GABRB2: variants seen among roughly 807,000 people sequenced by gnomAD.
GABRB2 encodes gamma-aminobutyric acid type A receptor subunit beta2.
Under a neutral mutation model 54.7 loss-of-function variants are expected in GABRB2, and 16 were observed. The observed-to-expected ratio is 0.29, with a 90% CI of 0.20 to 0.44. The LOEUF (loss-of-function observed/expected upper bound fraction) is 0.44. GABRB2 is among the 20% of genes least tolerant of loss of function. The pLI is 1.00. For missense variants in GABRB2, 355 were observed against 644.0 expected (o/e 0.55, Z 4.86); for synonymous variants, 244 against 233.8 (o/e 1.04, Z -0.40).
At chr5:161,294,466 T>C (rs1051619852) in intron 9 of GABRB2, 38 bp from the exon 10 acceptor site, 34 of 1,575,126 alleles carry the variant, frequency 2.2e-5, no homozygotes, top group Non-Finnish European at 2.8e-5. Context: ...ATCAGAACAA[T>C]GAAGCTTTAC....
intron 9 of GABRB2, among the ~76,000 whole-genome samples, chr5:161,307,334 G>A (rs1202441639): frequency 1.3e-5 from 2 of 152,154 alleles, no homozygotes; most frequent in African/African-American, 2.4e-5. Flanking sequence ...ATTAGAATGT[G>A]GTCACTGCGA....
At chr5:161,474,004 G>A (rs1200972589) in intron 3 of GABRB2, among the ~76,000 whole-genome samples, 1 of 151,980 alleles carries the variant, frequency 6.6e-6, no homozygotes, top group Non-Finnish European at 1.5e-5. Flanking sequence ...CTCTGAGGAG[G>A]TGGATATTTG....
chr5:161,359,755 T>C (rs1463048231), intron 5 of GABRB2, among the ~76,000 whole-genome samples: 1 of 152,236 alleles, frequency 6.6e-6, no homozygotes, highest in Admixed American at 6.5e-5. Flanking sequence ...GAAAGATCAA[T>C]GAGTAAGTAA....
rs117654585 is a variant in GABRB2 at position 161,313,163 on chromosome 5, C to T, written c.1191+13205G>A. On this transcript the variant is annotated intron_variant, in intron 9 of 9. Coordinates refer to ENST00000393959, the MANE Select transcript of GABRB2 (RefSeq NM_001371727.1). ...GAGAAGCAGTGCTGCAGAATGAGCC[C>T]GCGATACTGGAGGCCTGGAATAGAG... Among the ~76,000 whole-genome samples the T allele has an allele frequency of 5.9e-5, 9 of 152,226 alleles. No homozygotes were observed. The East Asian group carries it at 9.7e-4, about 16-fold the overall frequency.
intron 3 of GABRB2, among the ~76,000 whole-genome samples, chr5:161,526,878 A>T (rs1035723250): frequency 6.6e-6 from 1 of 151,514 alleles, no homozygotes; most frequent in Non-Finnish European, 1.5e-5. Flanking sequence ...CAGAACATGT[A>T]TAAAACAGGA....
rs1443841849 is a variant in GABRB2, at chr5:161,546,304, G to T, written c.169+18C>A. The T allele has an allele frequency of 6.2e-7, 1 of 1,605,264 alleles. No individual in the cohort carries two copies. Among genetic ancestry groups the T allele is most frequent in the South Asian group, 1.1e-5 (1 of 90,902 alleles). Reference sequence around the variant, plus strand: ...GCTTCGGCTGTGGCTGGACTTATTTGCAAGGCAACCCCATTACCTCCAAAA... The same window carrying T: ...GCTTCGGCTGTGGCTGGACTTATTTTCAAGGCAACCCCATTACCTCCAAAA... On this transcript the variant is annotated intron_variant, in intron 2 of 9. Transcript: ENST00000393959.
intron 5 of GABRB2, among the ~76,000 whole-genome samples, chr5:161,389,408 T>C (rs904419437): frequency 1.2e-4 from 19 of 152,082 alleles, no homozygotes; most frequent in African/African-American, 4.3e-4. Context: ...ACTAATATCA[T>C]CTTGGTACTG....
intron 5 of GABRB2, among the ~76,000 whole-genome samples, chr5:161,355,525 T>C (rs1226346198): frequency 6.6e-6 from 1 of 151,768 alleles, no homozygotes; most frequent in East Asian, 1.9e-4. Context: ...TGCATATATA[T>C]AACATCTGTG....
chr5:161,344,115 G>C lies in GABRB2; in HGVS notation c.542-7346C>G, dbSNP rs17059338. On this transcript the variant is annotated intron_variant, in intron 5 of 9. Transcript: ENST00000393959. The stretch of plus-strand genomic sequence containing the variant: ...GTAAGTGTCAGGCAAGGAAAATCTT[G>C]TATCTAGCCGTATCCAAAGAAGAAC... 7.0e-3 allele frequency among the ~76,000 whole-genome samples: 1,070 copies of C among 152,132 alleles called. 11 individuals carry two copies. Among genetic ancestry groups the C allele is most frequent in the African/African-American group, 0.025 (1,018 of 41,512 alleles).
intron 5 of GABRB2, among the ~76,000 whole-genome samples, chr5:161,394,014 A>T (rs1011680360): frequency 1.3e-5 from 2 of 152,068 alleles, no homozygotes; most frequent in Admixed American, 1.3e-4. Flanking sequence ...AAGGATAAAA[A>T]CTATAAAACA....
chr5:161,345,454 A>G (rs1014764027), intron 5 of GABRB2, among the ~76,000 whole-genome samples: 1 of 151,964 alleles, frequency 6.6e-6, no homozygotes, highest in African/African-American at 2.4e-5. Context: ...TTCTACCTGC[A>G]GCCTCATTTT....
rs778879790 is a variant in GABRB2, at chr5:161,294,360, A to C, written c.1260T>G (p.Ala420=). The C allele has an allele frequency of 2.0e-5, 33 of 1,614,034 alleles. No homozygotes were observed. The highest frequency in any genetic ancestry group is 2.7e-5 in the Non-Finnish European group (32 of 1,180,012). The change falls in exon 10 of 10, where the codon GCT becomes GCG. Residue 420 remains alanine, a synonymous_variant. Transcript: ENST00000393959. ...TTCTGGGGTCTCCAAGTCCCATCACAGCCTCAGATGTGGCCATTTCATTTT... is the reference window on the plus strand; with the variant it reads ...TTCTGGGGTCTCCAAGTCCCATCACCGCCTCAGATGTGGCCATTTCATTTT... The part of the protein sequence containing the change: ...EIKNEMATSE[A]VMGLGDPRST...
intron 3 of GABRB2, among the ~76,000 whole-genome samples, chr5:161,464,196 A>G (rs1300612399): frequency 6.6e-6 from 1 of 152,110 alleles, no homozygotes; most frequent in Non-Finnish European, 1.5e-5. Flanking sequence ...TTTGCAAATC[A>G]CATATCTGAC....
intron 3 of GABRB2, among the ~76,000 whole-genome samples, chr5:161,468,603 T>C (rs575114894): frequency 1.3e-4 from 20 of 152,156 alleles, no homozygotes; most frequent in Admixed American, 5.9e-4. Context: ...TTTCAGTTAA[T>C]AACATTCATT....
At chr5:161,388,497 A>T (rs146544680) in intron 5 of GABRB2, among the ~76,000 whole-genome samples, 42 of 152,188 alleles carry the variant, frequency 2.8e-4, no homozygotes, top group African/African-American at 9.9e-4. Flanking sequence ...TCTTATAAAG[A>T]TACACACATT....
At chr5:161,347,458 G>A (rs1243377617) in intron 5 of GABRB2, among the ~76,000 whole-genome samples, 4 of 152,002 alleles carry the variant, frequency 2.6e-5, no homozygotes, top group Admixed American at 6.6e-5. Context: ...GCAGCTCCCC[G>A]CATGCAGAGG....
At chr5:161,479,842 C>A (rs1758705588) in intron 3 of GABRB2, among the ~76,000 whole-genome samples, 1 of 151,992 alleles carries the variant, frequency 6.6e-6, no homozygotes, top group African/African-American at 2.4e-5. Context: ...CCCGCCTCAG[C>A]CTCCTAAAGT....
intron 3 of GABRB2, among the ~76,000 whole-genome samples, chr5:161,544,730 G>A (rs1323701533): frequency 2.6e-5 from 4 of 152,114 alleles, no homozygotes; most frequent in African/African-American, 9.7e-5. Flanking sequence ...ATGGAGTTGG[G>A]GCAGGAATGG....
At chr5:161,366,948 A>G (rs1000016715) in intron 5 of GABRB2, among the ~76,000 whole-genome samples, 2 of 152,200 alleles carry the variant, frequency 1.3e-5, no homozygotes, top group African/African-American at 4.8e-5. Flanking sequence ...ACTCCATCTC[A>G]AAAAGAAAAG....
Sources: allele counts gnomAD v4.1 joint callset (sites outside exome capture counted in the v4.1 genomes callset), GRCh38; gene constraint gnomAD v4.1.1; transcripts MANE v1.5; gene names NCBI Gene and HGNC (gene_info 2026-07-23, HGNC 2026-07-21).